The following TAMM41 variants were observed in gnomAD, a reference collection of about 807,000 sequenced individuals.
TAMM41 encodes the protein TAM41 mitochondrial translocator assembly and maintenance homolog, also known as phosphatidate cytidylyltransferase, mitochondrial.
In TAMM41, 36 loss-of-function variants were observed where a neutral mutation model predicts 44.1. That is an observed-to-expected ratio of 0.82 (90% CI 0.63 to 1.08). The LOEUF (loss-of-function observed/expected upper bound fraction) is 1.08. Among genes scored for constraint, TAMM41 ranks in the 50% least tolerant of loss-of-function variants. TAMM41 has a pLI of 0.00. For synonymous variants in TAMM41, 164 were observed against 153.1 expected (o/e 1.07, Z -0.53); for missense variants, 417 against 404.3 (o/e 1.03, Z -0.27).
chr3:11,786,622 A>AGGGTTG (rs1267325103), downstream of TAMM41, among the ~76,000 whole-genome samples: 11 of 151,722 alleles, frequency 7.3e-5, no homozygotes, highest in African/African-American at 2.7e-4. Flanking sequence ...TATTATACTT[A>AGGGTTG]GGGTTGTTTT....
chr3:11,821,882 T>A (rs559551380), intron 4 of TAMM41, among the ~76,000 whole-genome samples: 1 of 152,216 alleles, frequency 6.6e-6, no homozygotes, highest in South Asian at 2.1e-4. Context: ...CCCCCAAACC[T>A]GGAAACCTTT....
the TAMM41 span, among the ~76,000 whole-genome samples, chr3:11,784,569 C>T: frequency 3.3e-5 from 5 of 152,172 alleles, no homozygotes; most frequent in Admixed American, 1.3e-4. Context: ...TGTGTATATA[C>T]ATACTCACGG....
At chr3:11,790,098 G>GA (rs1235479684), downstream of TAMM41, among the ~76,000 whole-genome samples, 8 of 151,904 alleles carry the variant, frequency 5.3e-5, no homozygotes, top group East Asian at 1.5e-3. Context: ...GCCCCTGCTG[G>GA]AAAAAAAACA....
At chr3:11,822,006 T>C (rs9849762) in intron 4 of TAMM41, among the ~76,000 whole-genome samples, 23,449 of 152,140 alleles carry the variant, frequency 0.15, 3,896 homozygotes, top group East Asian at 0.48. Flanking sequence ...GTGTATGAGG[T>C]GTATATGAAA....
chr3:11,833,061 G>A, intron 3 of TAMM41: 1 of 1,232,870 alleles, frequency 8.1e-7, no homozygotes, highest in Non-Finnish European at 1.0e-6. Context: ...GTTCTTCAAT[G>A]AAAGGTGAAC....
chr3:11,829,628 T>C (rs113884807), intron 4 of TAMM41, 86 bp downstream of exon 4: 3 of 1,487,008 alleles, frequency 2.0e-6, no homozygotes, highest in Non-Finnish European at 2.8e-6. Flanking sequence ...CTGTAGCAGC[T>C]CCAGGGCCGA....
At chr3:11,797,964 C>A (rs1575607760) in intron 7 of TAMM41, among the ~76,000 whole-genome samples, 1 of 152,166 alleles carries the variant, frequency 6.6e-6, no homozygotes, top group African/African-American at 2.4e-5. Context: ...CATCTCACAG[C>A]AGTCAGAATG....
chr3:11,843,303 A>C (rs1040488522), intron 2 of TAMM41, among the ~76,000 whole-genome samples: 2 of 152,206 alleles, frequency 1.3e-5, no homozygotes, highest in African/African-American at 4.8e-5. Flanking sequence ...AAGAGATGCA[A>C]ATCTTCAATC....
the TAMM41 span, among the ~76,000 whole-genome samples, chr3:11,723,907 G>C: frequency 6.6e-6 from 1 of 151,946 alleles, no homozygotes; most frequent in African/African-American, 2.4e-5. Context: ...ACTGAGTGGA[G>C]GTAGCAAAGA....
intron 3 of TAMM41, among the ~76,000 whole-genome samples, chr3:11,837,746 C>T (rs765945666): frequency 1.3e-5 from 2 of 152,222 alleles, no homozygotes; most frequent in Non-Finnish European, 2.9e-5. Flanking sequence ...CTCCATGATA[C>T]ATGTCCTAGC....
chr3:11,782,546 CAA>C, the TAMM41 span, among the ~76,000 whole-genome samples: 41 of 69,988 alleles, frequency 5.9e-4, no homozygotes, highest in Admixed American at 6.7e-4. Flanking sequence ...GACCCTGTCT[CAA>C]AAAAAAAAAA....
At chr3:11,786,314 TTA>T (rs369161785), downstream of TAMM41, among the ~76,000 whole-genome samples, 36 of 140,092 alleles carry the variant, frequency 2.6e-4, no homozygotes, top group African/African-American at 8.5e-4. Context: ...ATTATTATTA[TTA>T]TTTTTTGAGA....
intron 7 of TAMM41, among the ~76,000 whole-genome samples, chr3:11,796,937 C>T (rs570334200): frequency 6.6e-6 from 1 of 152,140 alleles, no homozygotes; most frequent in South Asian, 2.1e-4. Context: ...TACATCTAAC[C>T]AGGGAGGTGA....
At chr3:11,737,080 C>T in the TAMM41 span, among the ~76,000 whole-genome samples, 19 of 151,912 alleles carry the variant, frequency 1.3e-4, no homozygotes, top group Admixed American at 1.2e-3. Context: ...TAGCTCCTGA[C>T]CACTTTCTCG....
chr3:11,799,258 A>C (rs2077686242), intron 7 of TAMM41, among the ~76,000 whole-genome samples: 1 of 149,922 alleles, frequency 6.7e-6, no homozygotes, highest in Non-Finnish European at 1.5e-5. Flanking sequence ...TCTCCAAAAA[A>C]ACAAAACCCA....
intron 5 of TAMM41, among the ~76,000 whole-genome samples, chr3:11,813,991 T>TACACACAC (rs35804902): frequency 8.9e-5 from 13 of 145,864 alleles, no homozygotes; most frequent in African/African-American, 1.5e-4. Context: ...CACCTGTGTA[T>TACACACAC]ACACACACAC....
At chr3:11,844,971 A>G in intron 1 of TAMM41, 1 of 456,740 alleles carries the variant, frequency 2.2e-6, no homozygotes, top group Non-Finnish European at 4.4e-6. Context: ...CTTGAAGGAC[A>G]CGTGAGTTAA....
the TAMM41 span, among the ~76,000 whole-genome samples, chr3:11,744,568 A>G: frequency 6.6e-6 from 1 of 151,794 alleles, no homozygotes; most frequent in African/African-American, 2.4e-5. Context: ...GGTGGCACGC[A>G]CCTGTAACCG....
chr3:11,805,256 C>G (rs1174673680), intron 7 of TAMM41, among the ~76,000 whole-genome samples: 1 of 152,052 alleles, frequency 6.6e-6, no homozygotes, highest in Admixed American at 6.6e-5. Flanking sequence ...CCTGTCTCGG[C>G]CTCCCAAAGT....
Sources: allele counts gnomAD v4.1 joint callset (sites outside exome capture counted in the v4.1 genomes callset), GRCh38; gene constraint gnomAD v4.1.1; transcripts MANE v1.5; gene names NCBI Gene and HGNC (gene_info 2026-07-23, HGNC 2026-07-21).